Variants in GABPB1 observed in about 807,000 individuals in gnomAD.
The protein encoded by GABPB1 is GA-binding protein subunit beta-1.
In GABPB1, 15 loss-of-function variants were observed where a neutral mutation model predicts 45.9. The observed-to-expected ratio is 0.33, with a 90% CI of 0.22 to 0.50. The LOEUF is 0.50. Ranked by LOEUF, GABPB1 falls within the 20% of genes least tolerant of loss-of-function variation. The probability of loss-of-function intolerance (pLI) is 0.98; values close to 1 mark genes in which losing one functional copy is unlikely to be tolerated. For synonymous variants in GABPB1, 143 were observed against 154.4 expected (o/e 0.93, Z 0.55); for missense variants, 252 against 457.5 (o/e 0.55, Z 4.10).
intron 1 of GABPB1, chr15:50,349,937 T>C (rs2141187464): frequency 6.6e-6 from 1 of 152,332 alleles, no homozygotes; most frequent in East Asian, 1.9e-4. Context: ...ATTTGGCACA[T>C]ATCCTTCCAG....
chr15:50,354,524 G>A lies in GABPB1; in HGVS notation c.-1+461C>T, dbSNP rs538964833. On this transcript the variant is annotated intron_variant, in intron 1 of 8. Coordinates refer to ENST00000380877, the MANE Select transcript of GABPB1 (RefSeq NM_016654.5). The stretch of plus-strand genomic sequence containing the variant: ...GGCCGTCAGGCTGCCGAGACAAAGG[G>A]TACCGCGGCGCCAGAGGCCGAGGCC... The A allele has an allele frequency of 2.1e-3, 946 of 448,726 alleles. 4 individuals are homozygous for A. The highest frequency in any genetic ancestry group is 0.016 in the Admixed American group (693 of 42,188). 27.8% of individuals were successfully genotyped at this position (448,726 alleles called of 1,614,324 possible).
intron 1 of GABPB1, among the ~76,000 whole-genome samples, chr15:50,342,265 G>T (rs1207242374): frequency 6.6e-6 from 1 of 151,284 alleles, no homozygotes; most frequent in Non-Finnish European, 1.5e-5. Flanking sequence ...CATTACAAAT[G>T]ATTTATTTAT....
Position 50,278,511 on chromosome 15 carries a change from A to G in GABPB1, c.*121T>C. 2 of 656,232 alleles carry G rather than the reference A, an allele frequency of 3.0e-6. No homozygotes were observed. The highest frequency in any genetic ancestry group is 4.7e-6 in the Non-Finnish European group (2 of 421,842). The allele number at this position is 656,232 out of a possible 1,614,324, so 40.7% of individuals were successfully genotyped here. On this transcript the variant is annotated 3_prime_UTR_variant, in exon 9 of 9. Transcript: ENST00000380877. ...ACTCAGAGCTCATGGCTTAAGTCCA[A>G]TTATCCATCTGTAGTCTCTTCTATC... is the stretch of plus-strand genomic sequence containing the variant.
At chr15:50,308,150 T>C (rs1386616429) in intron 2 of GABPB1, among the ~76,000 whole-genome samples, 1 of 152,232 alleles carries the variant, frequency 6.6e-6, no homozygotes, top group African/African-American at 2.4e-5. Context: ...CATGTGTTCA[T>C]GTGTTTAGTT....
At chr15:50,297,704 G>A (rs994704979) in intron 6 of GABPB1, among the ~76,000 whole-genome samples, 2 of 152,210 alleles carry the variant, frequency 1.3e-5, no homozygotes, top group African/African-American at 2.4e-5. Flanking sequence ...GAGTGGTGGC[G>A]TGTGCCTGTA....
intron 2 of GABPB1, among the ~76,000 whole-genome samples, chr15:50,307,571 GGGTGCCT>G (rs1219826616): frequency 6.6e-6 from 1 of 151,934 alleles, no homozygotes; most frequent in Non-Finnish European, 1.5e-5. Context: ...GCTTGGTGGT[GGGTGCCT>G]GTAATCTCAG....
chr15:50,328,971 T>C (rs2047864481), intron 1 of GABPB1, among the ~76,000 whole-genome samples: 4 of 152,356 alleles, frequency 2.6e-5, no homozygotes, highest in African/African-American at 9.6e-5. Context: ...TTTATTGTTA[T>C]ATAATCATTT....
chr15:50,348,497 C>T (rs1018648207), intron 1 of GABPB1, among the ~76,000 whole-genome samples: 4 of 151,892 alleles, frequency 2.6e-5, no homozygotes, highest in African/African-American at 9.7e-5. Flanking sequence ...GTGATCCGCC[C>T]GCCTCGGCCT....
At chr15:50,290,899 T>C (rs2046322565) in intron 6 of GABPB1, among the ~76,000 whole-genome samples, 1 of 152,224 alleles carries the variant, frequency 6.6e-6, no homozygotes, top group Non-Finnish European at 1.5e-5. Context: ...AAGTTAATAC[T>C]GCCAAAATCC....
chr15:50,344,243 G>A (rs1417369058), intron 1 of GABPB1, among the ~76,000 whole-genome samples: 1 of 152,214 alleles, frequency 6.6e-6, no homozygotes. Flanking sequence ...AAAAAGGTTT[G>A]AAAGTCAGAA....
At chr15:50,303,864 TAGA>T in intron 3 of GABPB1, 99 bp downstream of exon 3, 1 of 840,574 alleles carries the variant, frequency 1.2e-6, no homozygotes, top group Non-Finnish European at 1.8e-6. Context: ...TGAAATACTA[TAGA>T]TAAAATACTA....
At chr15:50,340,299 G>T (rs1430879026) in intron 1 of GABPB1, among the ~76,000 whole-genome samples, 3 of 152,078 alleles carry the variant, frequency 2.0e-5, no homozygotes, top group Admixed American at 2.0e-4. Flanking sequence ...TTTTGTTATA[G>T]TACCCCAAAT....
At chr15:50,318,577 C>T (rs1282961617) in intron 1 of GABPB1, among the ~76,000 whole-genome samples, 1 of 151,982 alleles carries the variant, frequency 6.6e-6, no homozygotes, top group Non-Finnish European at 1.5e-5. Context: ...AAAGATCCAA[C>T]ATAGAATAGG....
chr15:50,333,801 T>A (rs113933038), intron 1 of GABPB1, among the ~76,000 whole-genome samples: 1 of 151,982 alleles, frequency 6.6e-6, no homozygotes, highest in Non-Finnish European at 1.5e-5. Flanking sequence ...GGCTGAGGCA[T>A]ATGGATCACC....
chr15:50,306,499 C>T (rs559249917), intron 2 of GABPB1, among the ~76,000 whole-genome samples: 8 of 151,864 alleles, frequency 5.3e-5, no homozygotes, highest in South Asian at 2.1e-4. Context: ...TGAGGGTGGG[C>T]GCCTGTTATC....
At chr15:50,307,563 T>G (rs893668058) in intron 2 of GABPB1, among the ~76,000 whole-genome samples, 2 of 151,910 alleles carry the variant, frequency 1.3e-5, no homozygotes, top group African/African-American at 4.8e-5. Context: ...TTAGCTGGGC[T>G]TGGTGGTGGG....
At chr15:50,322,782 T>C (rs2047619985) in intron 1 of GABPB1, among the ~76,000 whole-genome samples, 1 of 152,116 alleles carries the variant, frequency 6.6e-6, no homozygotes, top group Non-Finnish European at 1.5e-5. Flanking sequence ...ATTCCAACAC[T>C]TTGGGAGGCT....
At chr15:50,317,624 T>C (rs1219077066) in intron 1 of GABPB1, among the ~76,000 whole-genome samples, 1 of 151,962 alleles carries the variant, frequency 6.6e-6, no homozygotes, top group Admixed American at 6.6e-5. Flanking sequence ...ACATTAGATA[T>C]TGAGGCTGGG....
At chr15:50,305,313 T>C (rs1024353063) in intron 2 of GABPB1, among the ~76,000 whole-genome samples, 6 of 144,300 alleles carry the variant, frequency 4.2e-5, no homozygotes, top group African/African-American at 1.6e-4. Context: ...GAGAGATAGA[T>C]ATATTTTTTG....
Sources: gnomAD v4.1 joint callset for allele counts (sites outside exome capture counted in the v4.1 genomes callset) on GRCh38, gnomAD v4.1.1 for gene constraint, MANE v1.5 for transcripts, NCBI Gene and HGNC (gene_info 2026-07-23, HGNC 2026-07-21) for gene names.